RNF168: variants seen among roughly 807,000 people sequenced by gnomAD.
The protein encoded by RNF168 is ring finger protein 168.
A neutral mutation model predicts 34.9 loss-of-function variants in RNF168; 34 were observed. The observed-to-expected ratio is 0.97, with a 90% CI of 0.74 to 1.30. The LOEUF is 1.30. Ranked by LOEUF, RNF168 falls within the 50% of genes most tolerant of loss-of-function variation. The pLI, the probability that RNF168 is intolerant of heterozygous loss-of-function variation, is 0.00. For synonymous variants in RNF168, 264 were observed against 254.7 expected, an observed-to-expected ratio of 1.04 and a Z score of -0.35; for missense variants, 725 against 682.5, an observed-to-expected ratio of 1.06 and a Z score of -0.69.
chr3:196,498,977 A>G (rs1301097757), intron 1 of RNF168, among the ~76,000 whole-genome samples: 2 of 151,978 alleles, frequency 1.3e-5, no homozygotes, highest in Non-Finnish European at 2.9e-5. Flanking sequence ...ACTGGGTGAC[A>G]GAACAAGACT....
rs961927912 is a variant in RNF168 at position 196,468,796 on chromosome 3, T to C, written c.*3023A>G. The C allele has an allele frequency of 4.6e-5, 7 of 152,192 alleles. No individual in the cohort carries two copies. The highest frequency in any genetic ancestry group is 1.9e-4 in the East Asian group (1 of 5,206). The allele number at this position is 152,192 out of a possible 1,614,324, so 9.4% of individuals were successfully genotyped here. A position where few individuals can be genotyped will look rare whatever the true frequency, so the allele number is the denominator to read the frequency against. On this transcript the variant is annotated 3_prime_UTR_variant, in exon 6 of 6. Transcript: ENST00000318037. ...CATAATAATCCATTTTTATTTTTAGTATTTTATTTTTCAGATTCTCAGCCT... is the reference window on the plus strand; with the variant it reads ...CATAATAATCCATTTTTATTTTTAGCATTTTATTTTTCAGATTCTCAGCCT...
intron 1 of RNF168, among the ~76,000 whole-genome samples, chr3:196,493,783 A>G (rs1481827035): frequency 6.6e-6 from 1 of 151,052 alleles, no homozygotes; most frequent in African/African-American, 2.4e-5. Context: ...CTGCCTTCCA[A>G]AGTGCCAGGA....
intron 3 of RNF168, among the ~76,000 whole-genome samples, chr3:196,486,487 T>C (rs1053177045): frequency 6.6e-5 from 10 of 151,750 alleles, no homozygotes; most frequent in Admixed American, 5.9e-4. Flanking sequence ...GCACGCACCA[T>C]CACACTCGGC....
chr3:196,472,401 G>C lies in RNF168; in HGVS notation c.1134C>G (p.Cys378Trp), dbSNP rs200929378. 8 of 1,613,478 alleles carry C rather than the reference G, an allele frequency of 5.0e-6. No homozygotes were observed. The highest frequency in any genetic ancestry group is 1.6e-4 in the Middle Eastern group (1 of 6,080). Residue 378 changes from cysteine to tryptophan, a missense_variant, in exon 6 of 6, where the codon TGC becomes TGG. By Grantham distance (215) the Cys-to-Trp change is radical. Coordinates refer to ENST00000318037, the MANE Select transcript of RNF168 (RefSeq NM_152617.4). ...NTGETENEES[C>W]LLISKEISKR... ...TGGAAATCTCCTTACTGATCAGTAG[G>C]CACGACTCTTCATTTTCTGTCTCAC... is the stretch of plus-strand genomic sequence containing the variant.
chr3:196,486,878 AG>A (rs1415788004), intron 3 of RNF168, among the ~76,000 whole-genome samples: 2 of 152,194 alleles, frequency 1.3e-5, no homozygotes, highest in Non-Finnish European at 2.9e-5. Flanking sequence ...ACACCAGTTC[AG>A]GAAACATGGC....
At chr3:196,493,295 A>G (rs1444008494) in intron 1 of RNF168, among the ~76,000 whole-genome samples, 1 of 152,250 alleles carries the variant, frequency 6.6e-6, no homozygotes, top group Non-Finnish European at 1.5e-5. Context: ...CATAAACTGA[A>G]TCTAAATTAA....
chr3:196,473,646 G>C (rs575226789), intron 5 of RNF168, among the ~76,000 whole-genome samples: 21 of 152,244 alleles, frequency 1.4e-4, no homozygotes, highest in Admixed American at 1.3e-3. Flanking sequence ...CCTGAGGTCA[G>C]GAGTTTGAGA....
chr3:196,485,829 T>G (rs919697088), intron 3 of RNF168, among the ~76,000 whole-genome samples: 1 of 152,186 alleles, frequency 6.6e-6, no homozygotes, highest in African/African-American at 2.4e-5. Flanking sequence ...GGTAAGTGTA[T>G]GTTAAGATAT....
intron 1 of RNF168, among the ~76,000 whole-genome samples, chr3:196,496,784 G>A (rs1468736678): frequency 1.3e-5 from 2 of 152,190 alleles, no homozygotes; most frequent in Non-Finnish European, 2.9e-5. Context: ...CGGGAGGACT[G>A]CTTGAGGTGA....
chr3:196,497,151 G>GA (rs201204171), intron 1 of RNF168, among the ~76,000 whole-genome samples: 56 of 148,618 alleles, frequency 3.8e-4, no homozygotes, highest in Non-Finnish European at 3.3e-4. Flanking sequence ...GTCTCAAAAA[G>GA]AAAAAAAAAG....
At chr3:196,474,542 G>C (rs538826639) in intron 5 of RNF168, among the ~76,000 whole-genome samples, 2 of 151,598 alleles carry the variant, frequency 1.3e-5, no homozygotes, top group East Asian at 3.9e-4. Flanking sequence ...CTACCTCCCG[G>C]GTTCAAGCAA....
At position 196,477,455 on chromosome 3, in the gene RNF168, A is replaced by G. The variant is rs182574425; in HGVS notation, c.681-2143T>C. Among the ~76,000 whole-genome samples, 473 of 152,384 alleles carry G rather than the reference A, an allele frequency of 3.1e-3. 1 individual carries two copies. Among genetic ancestry groups the G allele is most frequent in the Non-Finnish European group, 4.5e-3 (306 of 68,042 alleles). The stretch of plus-strand genomic sequence containing the variant: ...GAACTAATGAATATTCCTTATGGGC[A>G]AACAAGAGTACCTAACCCATATATT... On this transcript the variant is annotated intron_variant, in intron 4 of 5. Transcript: ENST00000318037.
chr3:196,472,596 G>T lies in RNF168; in HGVS notation c.939C>A (p.Asn313Lys), dbSNP rs752156732. The T allele has an allele frequency of 6.2e-7, 1 of 1,614,188 alleles. No homozygotes were observed. The highest frequency in any genetic ancestry group is 8.5e-7 in the Non-Finnish European group (1 of 1,180,030). ...ACGAEWYHEG[N>K]VKTRPSNHGK... ...CATGATTGCTTGGTCTTGTTTTGACGTTTCCTTCATGGTACCATTCGGCAC... is the reference window on the plus strand; with the variant it reads ...CATGATTGCTTGGTCTTGTTTTGACTTTTCCTTCATGGTACCATTCGGCAC... The change falls in exon 6 of 6, where the codon AAC becomes AAA. Residue 313 changes from asparagine to lysine, a missense_variant. By Grantham distance (94) the Asn-to-Lys change is moderately conservative (BLOSUM62 0). Coordinates refer to ENST00000318037, the MANE Select transcript of RNF168 (RefSeq NM_152617.4).
At chr3:196,496,531 C>T (rs1157003830) in intron 1 of RNF168, among the ~76,000 whole-genome samples, 1 of 152,082 alleles carries the variant, frequency 6.6e-6, no homozygotes, top group Non-Finnish European at 1.5e-5. Context: ...CTTATTTTAA[C>T]TTCATTACTG....
chr3:196,498,647 T>C (rs893223447), intron 1 of RNF168, among the ~76,000 whole-genome samples: 2 of 152,148 alleles, frequency 1.3e-5, no homozygotes, highest in African/African-American at 4.8e-5. Flanking sequence ...TGGCCAATCA[T>C]ATACAGCATA....
chr3:196,495,167 A>G (rs1416238194), intron 1 of RNF168, among the ~76,000 whole-genome samples: 2 of 142,308 alleles, frequency 1.4e-5, no homozygotes, highest in Non-Finnish European at 3.1e-5. Context: ...AAACTGCCAC[A>G]TTGCCTTTCG....
intron 3 of RNF168, 136 bp from the exon 4 acceptor site, chr3:196,484,027 G>T: frequency 1.4e-6 from 1 of 690,776 alleles, no homozygotes; most frequent in Non-Finnish European, 2.5e-6. Flanking sequence ...TACATCTCTT[G>T]AAGAATATTG....
chr3:196,470,693 T>A lies in RNF168; in HGVS notation c.*1126A>T, dbSNP rs1030627973. The stretch of plus-strand genomic sequence containing the variant: ...ATGATCCAGACTGTCAGTCACCCCA[T>A]CCAGCCTCATCTGGACCAGTTTCCG... On this transcript the variant is annotated 3_prime_UTR_variant, in exon 6 of 6. Transcript: ENST00000318037. The A allele has an allele frequency of 1.4e-5, 2 of 146,568 alleles. No homozygotes were observed. Among genetic ancestry groups the A allele is most frequent in the African/African-American group, 2.6e-5 (1 of 38,858 alleles). 9.1% of individuals were successfully genotyped at this position (146,568 alleles called of 1,614,324 possible). A position where few individuals can be genotyped will look rare whatever the true frequency, so the allele number is the denominator to read the frequency against.
intron 1 of RNF168, among the ~76,000 whole-genome samples, chr3:196,500,919 G>T (rs865889825): frequency 6.6e-6 from 1 of 152,146 alleles, no homozygotes; most frequent in Middle Eastern, 3.4e-3. Flanking sequence ...CACCGTGTTA[G>T]CCAGGATGGT....
Sources: allele counts gnomAD v4.1 joint callset (sites outside exome capture counted in the v4.1 genomes callset), GRCh38; gene constraint gnomAD v4.1.1; transcripts MANE v1.5; gene names NCBI Gene and HGNC (gene_info 2026-07-23, HGNC 2026-07-21).